ATAD3B: variants seen among roughly 807,000 people sequenced by gnomAD.
ATAD3B encodes ATPase family AAA domain containing 3B.
In ATAD3B, 59 loss-of-function variants were observed where a neutral mutation model predicts 70.2. The observed-to-expected ratio is 0.84, with a 90% CI of 0.68 to 1.04. ATAD3B has a LOEUF of 1.04. Ranked by LOEUF, ATAD3B falls within the 50% of genes least tolerant of loss-of-function variation. ATAD3B has a pLI of 0.00. For missense variants in ATAD3B, 961 were observed against 913.4 expected, an observed-to-expected ratio of 1.05 and a Z score of -0.67; for synonymous variants, 423 against 388.6, an observed-to-expected ratio of 1.09 and a Z score of -1.04.
intron 15 of ATAD3B, among the ~76,000 whole-genome samples, chr1:1,492,268 C>G (rs1042205247): frequency 1.3e-5 from 2 of 151,890 alleles, no homozygotes; most frequent in African/African-American, 2.4e-5. Context: ...GAGAAGATCA[C>G]TTGAGGTCAG....
downstream of ATAD3B, among the ~76,000 whole-genome samples, chr1:1,501,005 T>C (rs559016561): frequency 2.0e-3 from 312 of 152,294 alleles, 3 homozygotes; most frequent in African/African-American, 7.1e-3. Flanking sequence ...GGTTCCTTCC[T>C]GGTTCTGTAA....
intron 13 of ATAD3B, 145 bp from the exon 14 acceptor site, chr1:1,490,112 C>T (rs899791475): frequency 1.9e-5 from 28 of 1,438,002 alleles, no homozygotes; most frequent in Middle Eastern, 5.0e-4. Context: ...GCTGTGGCTG[C>T]GTTCTCCCCA....
In ATAD3B at chr1:1,481,190, T is replaced by G. The variant is rs1338988288; in HGVS notation, c.514+254T>G. On this transcript the variant is annotated intron_variant, in intron 5 of 15. Coordinates refer to ENST00000673477, the MANE Select transcript of ATAD3B (RefSeq NM_031921.6). Reference sequence around the variant, plus strand: ...AGTACAGGGGCCTTTTTTTTTTTTTTGAGACGGAGTCTCGCTCTGTCACCC... The same window carrying G: ...AGTACAGGGGCCTTTTTTTTTTTTTGGAGACGGAGTCTCGCTCTGTCACCC... Among the ~76,000 whole-genome samples, 5 of 115,112 alleles carry G rather than the reference T, an allele frequency of 4.3e-5. No homozygotes were observed. The South Asian group carries it at 1.5e-3, about 35-fold the overall frequency. 75.5% of individuals were successfully genotyped at this position (115,112 alleles called of 152,430 possible). A position where few individuals can be genotyped will look rare whatever the true frequency, so the allele number is the denominator to read the frequency against.
At chr1:1,483,928 C>A (rs941652356) in intron 7 of ATAD3B, 1 of 152,126 alleles carries the variant, frequency 6.6e-6, no homozygotes. Flanking sequence ...GTGCTGCAGT[C>A]ACAGCAGTGG....
intron 1 of ATAD3B, among the ~76,000 whole-genome samples, chr1:1,474,436 C>T (rs1179485519): frequency 6.6e-6 from 1 of 151,642 alleles, no homozygotes; most frequent in African/African-American, 2.4e-5. Context: ...GTGATCCACC[C>T]GCCTCGGCCA....
In ATAD3B at chr1:1,486,207, C is replaced by G. The variant is rs1427902309; in HGVS notation, c.1061C>G (p.Pro354Arg). The change falls in exon 10 of 16, where the codon CCA becomes CGA. Residue 354 changes from proline (P) to arginine (R), a missense_variant. By Grantham distance (103) the Pro-to-Arg change is moderately radical. Around this residue, in one of 4 missense-constraint regions of ATAD3B, gnomAD observed 349 missense variants for 307.5 expected, o/e 1.14. Transcript: ENST00000673477. Reference sequence around the variant, plus strand: ...AGGCACATCCTGCTGTATGGGCCACCAGGCACCGGGAAGACGCTGTTTGCC... The same window carrying G: ...AGGCACATCCTGCTGTATGGGCCACGAGGCACCGGGAAGACGCTGTTTGCC... ...LYRHILLYGP[P>R]GTGKTLFAKK... 6.2e-7 allele frequency: 1 copy of G among 1,613,082 alleles called. No individual in the cohort carries two copies. The highest frequency in any genetic ancestry group is 1.1e-5 in the South Asian group (1 of 90,998).
downstream of ATAD3B, among the ~76,000 whole-genome samples, chr1:1,500,430 T>C (rs998968649): frequency 1.4e-5 from 2 of 147,488 alleles, no homozygotes; most frequent in Non-Finnish European, 3.0e-5. Context: ...CGGGCACCTG[T>C]AGTCCCAGCT....
At chr1:1,490,760 T>C in intron 15 of ATAD3B, 89 bp downstream of exon 15, 1 of 1,518,722 alleles carries the variant, frequency 6.6e-7, no homozygotes, top group Non-Finnish European at 8.9e-7. Flanking sequence ...AGCACCGGTG[T>C]CATGTGGGAG....
chr1:1,478,617 C>A, intron 2 of ATAD3B, 27 bp from the exon 3 acceptor site: 6 of 1,549,154 alleles, frequency 3.9e-6, no homozygotes, highest in Non-Finnish European at 5.2e-6. Context: ...TGAGCAAGTG[C>A]CAGCTGGTGA....
At chr1:1,492,604 G>A (rs1354603238) in intron 15 of ATAD3B, among the ~76,000 whole-genome samples, 1 of 139,972 alleles carries the variant, frequency 7.1e-6, no homozygotes, top group African/African-American at 3.1e-5. Context: ...AGGCCAGCCT[G>A]GCCAGTGTGC....
At chr1:1,491,272 A>G (rs1308909120) in intron 15 of ATAD3B, among the ~76,000 whole-genome samples, 1 of 152,042 alleles carries the variant, frequency 6.6e-6, no homozygotes, top group Admixed American at 6.6e-5. Flanking sequence ...GCGGTGGCTC[A>G]CGCCTGCAAT....
intron 13 of ATAD3B, chr1:1,489,806 A>T: frequency 7.9e-7 from 1 of 1,272,874 alleles, no homozygotes. Flanking sequence ...TGGAGCCCTG[A>T]CTCAGGTCCT....
chr1:1,506,332 T>C, the ATAD3B span, among the ~76,000 whole-genome samples: 2 of 152,022 alleles, frequency 1.3e-5, no homozygotes, highest in Admixed American at 6.6e-5. Context: ...TTGTAAAAAA[T>C]AATTCGGGTT....
chr1:1,477,380 CG>C (rs993343491), intron 2 of ATAD3B, 30 bp downstream of exon 2: 4 of 1,611,518 alleles, frequency 2.5e-6, no homozygotes, highest in Non-Finnish European at 2.5e-6. Context: ...GCGAGGAGGC[CG>C]GGGCGCACAT....
chr1:1,476,947 C>T (rs112841381), intron 1 of ATAD3B, among the ~76,000 whole-genome samples: 3,936 of 152,138 alleles, frequency 0.026, 181 homozygotes, highest in African/African-American at 0.088. Context: ...GCTGAGATCA[C>T]AGGCGTGCAC....
In ATAD3B at chr1:1,485,837, G is replaced by C; in HGVS notation, c.962G>C (p.Ser321Thr). The change falls in exon 9 of 16, where the codon AGT becomes ACT. Residue 321 changes from serine to threonine, a missense_variant and splice_region_variant. Coordinates refer to ENST00000673477, the MANE Select transcript of ATAD3B (RefSeq NM_031921.6). ...PQDVLEGVVLSPSLEARVRDI... is the reference protein window; with the variant it reads ...PQDVLEGVVLTPSLEARVRDI... ...GACGTGCTGGAGGGTGTTGTGCTTA[G>C]TGTAAGTCGGTGTGCCTGGGACCGG... The C allele has an allele frequency of 6.2e-7, 1 of 1,613,060 alleles. No individual in the cohort carries two copies. The highest frequency in any genetic ancestry group is 8.5e-7 in the Non-Finnish European group (1 of 1,179,502).
At position 1,485,027 on chromosome 1, in the gene ATAD3B, G is replaced by T. The variant is rs1295087423; in HGVS notation, c.762G>T (p.Leu254=). 1.9e-6 allele frequency: 3 copies of T among 1,602,594 alleles called. No individual in the cohort carries two copies. The highest frequency in any genetic ancestry group is 2.6e-6 in the Non-Finnish European group (3 of 1,176,050). The change falls in exon 8 of 16, where the codon CTG becomes CTT. Residue 254 remains leucine, a synonymous_variant. Coordinates refer to ENST00000673477, the MANE Select transcript of ATAD3B (RefSeq NM_031921.6). Reference sequence around the variant, plus strand: ...TGTCTCTGCTGCAGGTGGCTGGGCTGACGCTGCTGGCTGTCGGGGTCTACT... The same window carrying T: ...TGTCTCTGCTGCAGGTGGCTGGGCTTACGCTGCTGGCTGTCGGGGTCTACT... ...RDKVTATVAG[L]TLLAVGVYSA...
Position 1,484,986 on chromosome 1 carries a change from C to T in ATAD3B, c.751-30C>T, listed in dbSNP as rs371202594. On this transcript the variant is annotated intron_variant, in intron 7 of 15. Coordinates refer to ENST00000673477, the MANE Select transcript of ATAD3B (RefSeq NM_031921.6). ...TCTAGGAGGGAGGGACGGTGGGGGC[C>T]GGTGCGCCAGTGCGGTGTCTCTGCT... 8,379 of 1,547,904 alleles carry T rather than the reference C, an allele frequency of 5.4e-3. 292 individuals are homozygous for T. In the African/African-American group the frequency reaches 0.11, roughly 20 times the overall value.
chr1:1,490,498 C>G lies in ATAD3B; in HGVS notation c.1506-65C>G, dbSNP rs751138328. The stretch of plus-strand genomic sequence containing the variant: ...GGGTGTAGGCCAGCTGCCTGTCTTC[C>G]GGCCTCCACCTCATGGTGTGGGGTC... On this transcript the variant is annotated intron_variant, in intron 14 of 15. Coordinates refer to ENST00000673477, the MANE Select transcript of ATAD3B (RefSeq NM_031921.6). 3.0e-5 allele frequency: 49 copies of G among 1,610,588 alleles called. No individual in the cohort carries two copies. The African/African-American group carries it at 5.9e-4, about 19-fold the overall frequency.
Sources: allele counts gnomAD v4.1 joint callset (sites outside exome capture counted in the v4.1 genomes callset), GRCh38; gene constraint gnomAD v4.1.1; regional missense constraint gnomAD v4.1.1; transcripts MANE v1.5; gene names NCBI Gene and HGNC (gene_info 2026-07-23, HGNC 2026-07-21).